The following ZNF236 variants were observed in gnomAD, a reference collection of about 807,000 sequenced individuals.
The protein encoded by ZNF236 is zinc finger protein 236.
Under a neutral mutation model 191.2 loss-of-function variants are expected in ZNF236, and 50 were observed. That is an observed-to-expected ratio of 0.26 (90% CI 0.21 to 0.33). ZNF236 has a LOEUF of 0.33. Among genes scored for constraint, ZNF236 ranks in the 10% least tolerant of loss-of-function variants. The probability of loss-of-function intolerance (pLI) is 1.00; values close to 1 mark genes in which losing one functional copy is unlikely to be tolerated. For missense variants in ZNF236, 1,754 were observed against 2,374.5 expected, an observed-to-expected ratio of 0.74 and a Z score of 5.43; for synonymous variants, 907 against 928.8, an observed-to-expected ratio of 0.98 and a Z score of 0.43.
chr18:76,926,894 G>C (rs1397254665), intron 22 of ZNF236, 143 bp from the exon 23 acceptor site: 5 of 892,508 alleles, frequency 5.6e-6, no homozygotes, highest in Non-Finnish European at 8.4e-6. Context: ...GTATAAAGTA[G>C]GTGTTCGTAT....
intron 14 of ZNF236, among the ~76,000 whole-genome samples, chr18:76,909,522 C>T (rs1967159106): frequency 6.6e-6 from 1 of 152,030 alleles, no homozygotes; most frequent in African/African-American, 2.4e-5. Flanking sequence ...AGATGAGGCT[C>T]CTGAACCAGA....
chr18:76,848,208 C>T (rs1975754837), intron 1 of ZNF236, among the ~76,000 whole-genome samples: 1 of 152,184 alleles, frequency 6.6e-6, no homozygotes, highest in African/African-American at 2.4e-5. Flanking sequence ...GTCTATAGAA[C>T]ATTTCAAGTG....
Position 76,880,129 on chromosome 18 carries a change from C to T in ZNF236, c.1001C>T (p.Thr334Met), listed in dbSNP as rs373222662. Reference protein sequence around the residue: ...AHVLTATLFQTLPLQQTEAQA... With the variant: ...AHVLTATLFQMLPLQQTEAQA... Reference sequence around the variant, plus strand: ...GTGTTTCAGGCCACACTTTTTCAGACGTTACCTCTTCAACAGACGGAAGCC... The same window carrying T: ...GTGTTTCAGGCCACACTTTTTCAGATGTTACCTCTTCAACAGACGGAAGCC... The change falls in exon 8 of 31, where the codon ACG becomes ATG. Residue 334 changes from threonine to methionine, a missense_variant. By Grantham distance (81) the Thr-to-Met change is moderately conservative. This residue lies in a region of ZNF236 where 336 missense variants were observed against 495.1 expected (regional missense o/e 0.68). Coordinates refer to ENST00000320610, the MANE Select transcript of ZNF236 (RefSeq NM_001306089.2). This position sits in a 1 kb window ranked among gnomAD's most constrained non-coding sequence, Gnocchi z 5.0. The T allele has an allele frequency of 8.7e-6, 14 of 1,612,524 alleles. No individual in the cohort carries two copies. Among genetic ancestry groups the T allele is most frequent in the Middle Eastern group, 1.7e-4 (1 of 6,054 alleles).
At chr18:76,831,933 A>C (rs1309696486) in intron 1 of ZNF236, among the ~76,000 whole-genome samples, 1 of 152,050 alleles carries the variant, frequency 6.6e-6, no homozygotes, top group Non-Finnish European at 1.5e-5. Flanking sequence ...TCTCCTATTC[A>C]CTCTTTTAAA....
intron 21 of ZNF236, among the ~76,000 whole-genome samples, chr18:76,923,415 G>A (rs1360228604): frequency 6.6e-6 from 1 of 152,124 alleles, no homozygotes; most frequent in Non-Finnish European, 1.5e-5. Context: ...AAATTGTCAC[G>A]TATTCTTACT....
chr18:76,829,607 A>G (rs1358995817), intron 1 of ZNF236, among the ~76,000 whole-genome samples: 1 of 152,178 alleles, frequency 6.6e-6, no homozygotes, highest in African/African-American at 2.4e-5. Flanking sequence ...GATTACAGGC[A>G]TGAGCCATGG....
chr18:76,868,169 C>T (rs777959286), intron 3 of ZNF236, among the ~76,000 whole-genome samples: 42 of 152,148 alleles, frequency 2.8e-4, no homozygotes, highest in Non-Finnish European at 5.1e-4. Context: ...CTGGTTCACA[C>T]GCTCAGTCAG....
At chr18:76,886,534 T>C (rs643242) in intron 9 of ZNF236, 147,535 of 191,562 alleles carry the variant, frequency 0.77, 57,919 homozygotes, top group Middle Eastern at 0.88. Context: ...AGAGCTTCTG[T>C]CAATTTCTAT....
At chr18:76,837,604 C>G (rs1975375172) in intron 1 of ZNF236, among the ~76,000 whole-genome samples, 1 of 151,810 alleles carries the variant, frequency 6.6e-6, no homozygotes, top group South Asian at 2.1e-4. Flanking sequence ...CCACGCCTGG[C>G]TAATTTTTTG....
At chr18:76,876,215 C>T (rs1256804764) in intron 6 of ZNF236, among the ~76,000 whole-genome samples, 1 of 133,988 alleles carries the variant, frequency 7.5e-6, no homozygotes, top group Non-Finnish European at 1.7e-5. Flanking sequence ...GTAGATCCTG[C>T]AAGTATTTCT....
At chr18:76,915,968 C>A in intron 19 of ZNF236, 109 bp downstream of exon 19, 2 of 916,822 alleles carry the variant, frequency 2.2e-6, no homozygotes, top group South Asian at 1.9e-5. Flanking sequence ...TAGATTAGTT[C>A]AGTAGCACCC....
intron 11 of ZNF236, among the ~76,000 whole-genome samples, chr18:76,901,791 A>C (rs899658523): frequency 1.3e-5 from 2 of 152,094 alleles, no homozygotes; most frequent in Non-Finnish European, 2.9e-5. Context: ...TTAATATACG[A>C]ATTGTACTAA....
In ZNF236 at chr18:76,927,566, C is replaced by G; in HGVS notation, c.4414+49C>G. 6.3e-7 allele frequency: 1 copy of G among 1,577,026 alleles called. No individual in the cohort carries two copies. The highest frequency in any genetic ancestry group is 1.2e-5 in the South Asian group (1 of 86,050). Reference sequence around the variant, plus strand: ...ATTTTGACAGCTGGAGTTTCAGTTTCTTGCTTGTGATTACATATTTGAATT... The same window carrying G: ...ATTTTGACAGCTGGAGTTTCAGTTTGTTGCTTGTGATTACATATTTGAATT... On this transcript the variant is annotated intron_variant, in intron 24 of 30. Transcript: ENST00000320610. This position sits in a 1 kb window ranked among gnomAD's most constrained non-coding sequence, Gnocchi z 5.4.
In ZNF236 at chr18:76,880,165, C is replaced by T. The variant is rs139451924; in HGVS notation, c.1037C>T (p.Ser346Leu). Reference sequence around the variant, plus strand: ...CAACAGACGGAAGCCCAAGCCACGTCGGCCTCAAGCCAGCCGAGCTCCCAG... The same window carrying T: ...CAACAGACGGAAGCCCAAGCCACGTTGGCCTCAAGCCAGCCGAGCTCCCAG... ...PLQQTEAQAT[S>L]ASSQPSSQAV... Residue 346 changes from serine to leucine, a missense_variant, in exon 8 of 31, where the codon TCG (serine) becomes TTG (leucine). Transcript: ENST00000320610. The surrounding 1 kb of genome is among the most constrained non-coding windows in gnomAD (Gnocchi z 5.0). The T allele has an allele frequency of 3.0e-3, 4,888 of 1,614,048 alleles. 11 individuals are homozygous for T. Among genetic ancestry groups the T allele is most frequent in the Non-Finnish European group, 3.6e-3 (4,223 of 1,180,006 alleles).
intron 9 of ZNF236, among the ~76,000 whole-genome samples, chr18:76,893,498 T>G (rs1159439182): frequency 6.6e-6 from 1 of 152,170 alleles, no homozygotes; most frequent in East Asian, 1.9e-4. Context: ...ATTCTTTTTT[T>G]CTACCTTTCT....
rs547996095 is a variant in ZNF236, at chr18:76,948,087, T to C, written c.4914+435T>C. Among the ~76,000 whole-genome samples, 422 of 152,220 alleles carry C rather than the reference T, an allele frequency of 2.8e-3. 3 individuals are homozygous for C. Among genetic ancestry groups the C allele is most frequent in the Non-Finnish European group, 4.1e-3 (276 of 68,010 alleles). On this transcript the variant is annotated intron_variant, in intron 27 of 30. Coordinates refer to ENST00000320610, the MANE Select transcript of ZNF236 (RefSeq NM_001306089.2). Reference sequence around the variant, plus strand: ...TCATATACGTGTGTGTGCGCGCGCGTGTGTTCAAGATCTGTCATTTGGCTA... The same window carrying C: ...TCATATACGTGTGTGTGCGCGCGCGCGTGTTCAAGATCTGTCATTTGGCTA...
intron 1 of ZNF236, among the ~76,000 whole-genome samples, chr18:76,831,094 C>A (rs73485073): frequency 0.016 from 2,470 of 152,034 alleles, 64 homozygotes; most frequent in African/African-American, 0.056. Flanking sequence ...TTAACTAAAG[C>A]CCATCATTCG....
At chr18:76,924,623 C>T (rs1967626506) in intron 21 of ZNF236, among the ~76,000 whole-genome samples, 1 of 152,156 alleles carries the variant, frequency 6.6e-6, no homozygotes, top group Admixed American at 6.5e-5. Flanking sequence ...GCCTTCGTGG[C>T]CTTTGATATA....
chr18:76,918,618 G>C (rs766482398), intron 19 of ZNF236, among the ~76,000 whole-genome samples: 5 of 152,114 alleles, frequency 3.3e-5, no homozygotes, highest in Non-Finnish European at 4.4e-5. Flanking sequence ...TGTAGAGACG[G>C]GGTCTTGCTC....
Sources: allele counts gnomAD v4.1 joint callset (sites outside exome capture counted in the v4.1 genomes callset), GRCh38; gene constraint gnomAD v4.1.1; regional missense constraint gnomAD v4.1.1; non-coding constraint Gnocchi (gnomAD v3.1); transcripts MANE v1.5; gene names NCBI Gene and HGNC (gene_info 2026-07-23, HGNC 2026-07-21).